HIVEP2: variants seen among roughly 807,000 people sequenced by gnomAD.
The protein encoded by HIVEP2 is transcription factor HIVEP2.
HIVEP2 carries 14 observed loss-of-function variants against 180.7 expected under a neutral mutation model. The observed-to-expected ratio is 0.08, with a 90% CI of 0.05 to 0.12. The LOEUF (loss-of-function observed/expected upper bound fraction) is 0.12. Ranked by LOEUF, HIVEP2 falls within the 10% of genes least tolerant of loss-of-function variation. The pLI is 1.00. For synonymous variants in HIVEP2, 1,184 were observed against 1,136.4 expected (o/e 1.04, Z -0.84); for missense variants, 2,579 against 3,008.5 (o/e 0.86, Z 3.34).
At chr6:142,808,598 A>T (rs1181655565) in intron 2 of HIVEP2, among the ~76,000 whole-genome samples, 1 of 143,996 alleles carries the variant, frequency 6.9e-6, no homozygotes, top group Non-Finnish European at 1.5e-5. Context: ...GGATAGATGG[A>T]GGGATGGACA....
At chr6:142,891,717 A>C (rs1405425659) in intron 1 of HIVEP2, among the ~76,000 whole-genome samples, 1 of 152,182 alleles carries the variant, frequency 6.6e-6, no homozygotes, top group Non-Finnish European at 1.5e-5. Flanking sequence ...TCACTCACAG[A>C]TACCACCTAG....
At chr6:142,884,043 A>G in intron 1 of HIVEP2, among the ~76,000 whole-genome samples, 1 of 152,204 alleles carries the variant, frequency 6.6e-6, no homozygotes, top group East Asian at 1.9e-4. Context: ...CATTTTTACC[A>G]TTAGGTTAGC....
chr6:142,836,849 C>T (rs1562258371), intron 2 of HIVEP2, 86 bp downstream of exon 2: 1 of 152,138 alleles, frequency 6.6e-6, no homozygotes, highest in African/African-American at 2.4e-5. Flanking sequence ...CAAAATTTCA[C>T]ATAAAGCTCA....
intron 9 of HIVEP2, among the ~76,000 whole-genome samples, chr6:142,755,226 C>T (rs1299267101): frequency 6.6e-6 from 1 of 152,184 alleles, no homozygotes; most frequent in Non-Finnish European, 1.5e-5. Context: ...CATGGATTCT[C>T]CTGAAAGTGT....
At chr6:142,905,839 A>T (rs541782089) in intron 1 of HIVEP2, among the ~76,000 whole-genome samples, 36 of 152,360 alleles carry the variant, frequency 2.4e-4, no homozygotes, top group African/African-American at 7.7e-4. Context: ...CAACATAAAA[A>T]ATGATAATCA....
At chr6:142,764,700 C>A (rs1227163885) in intron 7 of HIVEP2, 99 bp downstream of exon 7, 1 of 871,800 alleles carries the variant, frequency 1.1e-6, no homozygotes, top group East Asian at 2.7e-5. Flanking sequence ...CACAAACAAA[C>A]TATCTTTATT....
At chr6:142,857,717 A>C (rs577951178) in intron 1 of HIVEP2, among the ~76,000 whole-genome samples, 27 of 152,364 alleles carry the variant, frequency 1.8e-4, no homozygotes, top group Non-Finnish European at 3.1e-4. Context: ...TTAATTGTTG[A>C]AGATTAGGTG....
chr6:142,904,907 C>G (rs200461905), intron 1 of HIVEP2, among the ~76,000 whole-genome samples: 1 of 151,564 alleles, frequency 6.6e-6, no homozygotes, highest in Admixed American at 6.5e-5. Flanking sequence ...GTTTTCATAT[C>G]TATTGACCTG....
intron 3 of HIVEP2, among the ~76,000 whole-genome samples, chr6:142,782,686 G>A (rs1418401904): frequency 6.6e-6 from 1 of 152,170 alleles, no homozygotes; most frequent in Non-Finnish European, 1.5e-5. Flanking sequence ...AAAATACTGT[G>A]ATGATCATCC....
chr6:142,780,411 T>G (rs1775827121), intron 3 of HIVEP2, among the ~76,000 whole-genome samples: 1 of 152,198 alleles, frequency 6.6e-6, no homozygotes, highest in Non-Finnish European at 1.5e-5. Flanking sequence ...ACTTTCACAT[T>G]TGATTTGAAA....
chr6:142,927,955 A>T (rs1025734134), intron 1 of HIVEP2, among the ~76,000 whole-genome samples: 2 of 152,232 alleles, frequency 1.3e-5, no homozygotes, highest in African/African-American at 4.8e-5. Context: ...TACAAAACAA[A>T]TTGTAGATTC....
chr6:142,863,859 A>G (rs898279688), intron 1 of HIVEP2, among the ~76,000 whole-genome samples: 1 of 152,186 alleles, frequency 6.6e-6, no homozygotes, highest in African/African-American at 2.4e-5. Flanking sequence ...GATTCAAGGA[A>G]TATTTGTAGT....
intron 2 of HIVEP2, among the ~76,000 whole-genome samples, chr6:142,810,949 T>G (rs1264440490): frequency 6.6e-6 from 1 of 151,844 alleles, no homozygotes; most frequent in African/African-American, 2.4e-5. Flanking sequence ...TCAAAGCAGG[T>G]CAATAAGAGC....
Position 142,778,015 on chromosome 6 carries a change from G to A in HIVEP2, c.-432-1824C>T, listed in dbSNP as rs139471077. ...CAGGAACGGTAAGTCTTTTGGGTGA[G>A]AAATCAGTAGCCCCCAGATATTTGT... On this transcript the variant is annotated intron_variant, in intron 3 of 9. Coordinates refer to ENST00000367603, the MANE Select transcript of HIVEP2 (RefSeq NM_006734.4). 6.9e-4 allele frequency among the ~76,000 whole-genome samples: 105 copies of A among 152,290 alleles called. No individual in the cohort carries two copies. The East Asian group carries it at 0.017, about 25-fold the overall frequency.
chr6:142,765,406 A>T (rs1159976155), intron 6 of HIVEP2, among the ~76,000 whole-genome samples: 4 of 152,264 alleles, frequency 2.6e-5, no homozygotes, highest in South Asian at 4.1e-4. Context: ...ATGTACAAAC[A>T]TACAACCCTC....
At chr6:142,756,350 C>T (rs927588507) in intron 9 of HIVEP2, among the ~76,000 whole-genome samples, 8 of 152,154 alleles carry the variant, frequency 5.3e-5, no homozygotes, top group African/African-American at 1.7e-4. Context: ...ATGGCTTTGG[C>T]TTCAAAACAG....
In HIVEP2 at chr6:142,751,984, GT is replaced by G. The variant is rs1774933788; in HGVS notation, c.*1122del. On this transcript the variant is annotated 3_prime_UTR_variant, in exon 10 of 10. Transcript: ENST00000367603. Reference sequence around the variant, plus strand: ...GCCTTAGTTCCAGTCACCATCCTGTGTAGCAAGAACTAAGGAGATTGCTAAG... The same window carrying G: ...GCCTTAGTTCCAGTCACCATCCTGTGAGCAAGAACTAAGGAGATTGCTAAG... 1 of 152,570 alleles carries G rather than the reference GT, an allele frequency of 6.6e-6. No individual in the cohort carries two copies. The highest frequency in any genetic ancestry group is 2.4e-5 in the African/African-American group (1 of 41,422). 9.5% of individuals were successfully genotyped at this position (152,570 alleles called of 1,614,324 possible).
intron 1 of HIVEP2, among the ~76,000 whole-genome samples, chr6:142,856,427 C>T (rs1336465806): frequency 6.6e-6 from 1 of 152,216 alleles, no homozygotes; most frequent in Non-Finnish European, 1.5e-5. Flanking sequence ...AAGGAGTTGA[C>T]TCCCCTCTCA....
intron 2 of HIVEP2, among the ~76,000 whole-genome samples, chr6:142,807,869 A>G (rs1182980510): frequency 6.6e-6 from 1 of 152,158 alleles, no homozygotes; most frequent in East Asian, 1.9e-4. Flanking sequence ...TCGTAGGCAA[A>G]AGGATTACAA....
Sources: allele counts gnomAD v4.1 joint callset (sites outside exome capture counted in the v4.1 genomes callset), GRCh38; gene constraint gnomAD v4.1.1; transcripts MANE v1.5; gene names NCBI Gene and HGNC (gene_info 2026-07-23, HGNC 2026-07-21).